DRC3: variants seen among roughly 807,000 people sequenced by gnomAD.
DRC3 encodes the protein leucine rich repeat containing 48.
Under a neutral mutation model 57.6 loss-of-function variants are expected in DRC3, and 45 were observed. That is an observed-to-expected ratio of 0.78 (90% CI 0.62 to 1.00). The LOEUF (loss-of-function observed/expected upper bound fraction) is 1.00. DRC3 is among the 50% of genes least tolerant of loss of function. The pLI is 0.00. For synonymous variants in DRC3, 257 were observed against 272.3 expected (o/e 0.94, Z 0.55); for missense variants, 655 against 675.2 (o/e 0.97, Z 0.33).
chr17:17,999,692 C>T (rs887939135), intron 9 of DRC3, among the ~76,000 whole-genome samples: 1 of 152,224 alleles, frequency 6.6e-6, no homozygotes, highest in South Asian at 2.1e-4. Context: ...CTCTCCTAGC[C>T]TCCATTTCCT....
intron 12 of DRC3, among the ~76,000 whole-genome samples, chr17:18,013,151 A>G (rs985058709): frequency 3.3e-5 from 5 of 152,190 alleles, no homozygotes; most frequent in South Asian, 2.1e-4. Flanking sequence ...ACAAAAAATA[A>G]CAAATGCTGG....
rs115944797 is a variant in DRC3 at position 18,008,395 on chromosome 17, A to C, written c.1326+1248A>C. Among the ~76,000 whole-genome samples, 1,266 of 152,354 alleles carry C rather than the reference A, an allele frequency of 8.3e-3. 12 individuals are homozygous for C. The highest frequency in any genetic ancestry group is 0.029 in the African/African-American group (1,197 of 41,576). Reference sequence around the variant, plus strand: ...ATGTGTATTTGCTGCTGATGTGACTATTCACACTACATGTAAGCTCAGGAG... The same window carrying C: ...ATGTGTATTTGCTGCTGATGTGACTCTTCACACTACATGTAAGCTCAGGAG... On this transcript the variant is annotated intron_variant, in intron 12 of 13. Coordinates refer to ENST00000399187, the MANE Select transcript of DRC3 (RefSeq NM_031294.4). This position sits in a 1 kb window ranked among gnomAD's most constrained non-coding sequence, Gnocchi z 4.3.
At chr17:17,992,958 C>A (rs1192258066) in intron 6 of DRC3, 47 bp downstream of exon 6, 1 of 1,606,110 alleles carries the variant, frequency 6.2e-7, no homozygotes, top group East Asian at 2.2e-5. Context: ...ACAGATTCCT[C>A]AAGCCCCCAG....
chr17:17,974,592 C>T (rs1270769098), intron 2 of DRC3, among the ~76,000 whole-genome samples: 1 of 152,142 alleles, frequency 6.6e-6, no homozygotes, highest in Non-Finnish European at 1.5e-5. Context: ...AGGATAATAA[C>T]AAAACTCCCA....
At chr17:18,013,313 A>G (rs373778068) in intron 12 of DRC3, among the ~76,000 whole-genome samples, 2 of 152,180 alleles carry the variant, frequency 1.3e-5, no homozygotes, top group African/African-American at 4.8e-5. Flanking sequence ...TGTCTAAAGG[A>G]AAGGAAATCA....
At chr17:17,983,034 T>G (rs1020333878) in intron 3 of DRC3, among the ~76,000 whole-genome samples, 1 of 151,668 alleles carries the variant, frequency 6.6e-6, no homozygotes, top group South Asian at 2.1e-4. Context: ...TATTTACTTA[T>G]ACATATGTGT....
intron 12 of DRC3, among the ~76,000 whole-genome samples, chr17:18,009,749 A>C (rs1028384708): frequency 6.6e-6 from 1 of 152,192 alleles, no homozygotes; most frequent in Non-Finnish European, 1.5e-5. Context: ...TCTGTTACCT[A>C]ATTATCAAGG....
At chr17:18,007,432 C>T in intron 12 of DRC3, 1 of 1,551,432 alleles carries the variant, frequency 6.4e-7, no homozygotes, top group Non-Finnish European at 8.7e-7. Flanking sequence ...GTGGAGGCTT[C>T]TGGCACTTTC....
intron 12 of DRC3, chr17:18,007,492 G>A (rs1402364082): frequency 6.4e-7 from 1 of 1,550,552 alleles, no homozygotes; most frequent in Non-Finnish European, 8.7e-7. Flanking sequence ...TTCCCCTGGA[G>A]GTCTTCTTAA....
At chr17:18,013,868 G>A (rs2044257134) in intron 12 of DRC3, among the ~76,000 whole-genome samples, 1 of 152,064 alleles carries the variant, frequency 6.6e-6, no homozygotes, top group African/African-American at 2.4e-5. Context: ...TACATGATAG[G>A]TGTTGAAACA....
chr17:17,994,208 G>T, intron 6 of DRC3, 91 bp from the exon 7 acceptor site: 1 of 1,492,776 alleles, frequency 6.7e-7, no homozygotes, highest in South Asian at 1.3e-5. Flanking sequence ...GCCCATGCGC[G>T]GGAGGCTGCA....
At chr17:18,007,710 C>CT in intron 12 of DRC3, 1 of 1,264,128 alleles carries the variant, frequency 7.9e-7, no homozygotes, top group South Asian at 1.9e-5. Flanking sequence ...GGCAGCATGT[C>CT]TATGTCTCTG....
chr17:18,010,939 G>GTT (rs61680283), intron 12 of DRC3: 52 of 235,452 alleles, frequency 2.2e-4, no homozygotes, highest in African/African-American at 3.1e-4. Flanking sequence ...CAAGGATGAG[G>GTT]TTTTTTTTTT....
chr17:18,004,488 G>A lies in DRC3; in HGVS notation c.1125G>A (p.Gln375=). The change falls in exon 10 of 14, where the codon CAG becomes CAA. Residue 375 remains glutamine (Q), a synonymous_variant. Coordinates refer to ENST00000399187, the MANE Select transcript of DRC3 (RefSeq NM_031294.4). ...CGCTGGAGATGCAGCTGGTGGAGCA[G>A]CTGGAGGTAAGGCTGGGCCCTGGGC... ...LMTLEMQLVE[Q]LEETINMFER... 1.2e-6 allele frequency: 2 copies of A among 1,610,558 alleles called. No individual in the cohort carries two copies. Among genetic ancestry groups the A allele is most frequent in the Non-Finnish European group, 1.7e-6 (2 of 1,178,556 alleles).
intron 12 of DRC3, 170 bp from the exon 13 acceptor site, chr17:18,015,894 A>G (rs111727423): frequency 9.2e-5 from 63 of 683,258 alleles, no homozygotes; most frequent in African/African-American, 9.0e-4. Flanking sequence ...CGGCTGTCAC[A>G]GATGAATTCA....
chr17:18,006,306 G>C, intron 11 of DRC3, 53 bp downstream of exon 11: 2 of 1,314,778 alleles, frequency 1.5e-6, no homozygotes, highest in Non-Finnish European at 2.2e-6. Context: ...GAGCCCCTGG[G>C]CTTGTCCCGG....
At position 18,016,632 on chromosome 17, in the gene DRC3, C is replaced by T. The variant is rs114758840; in HGVS notation, c.1533C>T (p.Ser511=). The stretch of plus-strand genomic sequence containing the variant: ...ATCAGTACATCGACCACATGCAGAG[C>T]GAACTGGACAACCTGGAATGTGGCG... ...EINQYIDHMQ[S]ELDNLECGDI... Residue 511 remains serine, a synonymous_variant, in exon 14 of 14, where the codon AGC becomes AGT. Transcript: ENST00000399187. 14 of 1,613,582 alleles carry T rather than the reference C, an allele frequency of 8.7e-6. No individual in the cohort carries two copies. The highest frequency in any genetic ancestry group is 8.0e-5 in the African/African-American group (6 of 74,990).
chr17:17,994,932 G>A (rs2043394976), intron 7 of DRC3, 67 bp from the exon 8 acceptor site: 2 of 1,049,262 alleles, frequency 1.9e-6, no homozygotes, highest in African/African-American at 3.1e-5. Flanking sequence ...CCTTCCTCAT[G>A]GGCCTGTGAG....
chr17:18,013,604 TA>T (rs1338081465), intron 12 of DRC3, among the ~76,000 whole-genome samples: 15 of 152,118 alleles, frequency 9.9e-5, no homozygotes, highest in African/African-American at 2.7e-4. Context: ...CTCATAGAAG[TA>T]AAAACAAGAA....
Sources: gnomAD v4.1 joint callset for allele counts (sites outside exome capture counted in the v4.1 genomes callset) on GRCh38, gnomAD v4.1.1 for gene constraint, Gnocchi (gnomAD v3.1) non-coding constraint, MANE v1.5 for transcripts, NCBI Gene and HGNC (gene_info 2026-07-23, HGNC 2026-07-21) for gene names.